The following MAN1A1 variants were observed in gnomAD, a reference collection of about 807,000 sequenced individuals.
MAN1A1 encodes mannosidase alpha class 1A member 1.
In MAN1A1, 29 loss-of-function variants were observed where a neutral mutation model predicts 70.8. The observed-to-expected ratio is 0.41, with a 90% CI of 0.31 to 0.56. The LOEUF is 0.56. MAN1A1 is among the 20% of genes least tolerant of loss of function. The pLI, the probability that MAN1A1 is intolerant of heterozygous loss-of-function variation, is 0.29. For synonymous variants in MAN1A1, 349 were observed against 330.1 expected (o/e 1.06, Z -0.62); for missense variants, 747 against 841.3 (o/e 0.89, Z 1.39).
chr6:119,322,065 G>T (rs1371816296), intron 2 of MAN1A1, among the ~76,000 whole-genome samples: 3 of 152,180 alleles, frequency 2.0e-5, no homozygotes, highest in African/African-American at 7.2e-5. Flanking sequence ...AAGAGATTCA[G>T]TTGGGCAGCA....
intron 2 of MAN1A1, chr6:119,331,808 C>A: frequency 3.7e-6 from 1 of 269,086 alleles, no homozygotes; most frequent in Non-Finnish European, 7.6e-6. Flanking sequence ...AGAGGAGTGA[C>A]TGCAACAGGA....
intron 2 of MAN1A1, among the ~76,000 whole-genome samples, chr6:119,316,939 A>T (rs1384445417): frequency 1.6e-4 from 24 of 147,420 alleles, no homozygotes; most frequent in African/African-American, 6.0e-4. Flanking sequence ...ACATTTTTTT[A>T]TTATTATTAT....
intron 2 of MAN1A1, among the ~76,000 whole-genome samples, chr6:119,307,470 G>A (rs1772564214): frequency 6.6e-6 from 1 of 152,118 alleles, no homozygotes; most frequent in Admixed American, 6.5e-5. Context: ...GTTTCCTGAC[G>A]AAGACTATAT....
intron 5 of MAN1A1, among the ~76,000 whole-genome samples, chr6:119,261,704 A>G (rs1371962478): frequency 6.6e-6 from 1 of 152,220 alleles, no homozygotes; most frequent in African/African-American, 2.4e-5. Context: ...ACTGTAAAGA[A>G]AGTTCATGGA....
intron 5 of MAN1A1, among the ~76,000 whole-genome samples, chr6:119,258,917 T>C (rs1775531859): frequency 6.6e-6 from 1 of 152,168 alleles, no homozygotes; most frequent in South Asian, 2.1e-4. Context: ...ACCTCCTTTC[T>C]GTGCCTCAGT....
At chr6:119,252,126 C>T (rs1197969447) in intron 5 of MAN1A1, among the ~76,000 whole-genome samples, 1 of 152,126 alleles carries the variant, frequency 6.6e-6, no homozygotes, top group East Asian at 1.9e-4. Context: ...GGCATGGAAG[C>T]AGCTGGCACT....
At chr6:119,207,609 T>C (rs1355882596) in intron 6 of MAN1A1, among the ~76,000 whole-genome samples, 3 of 152,218 alleles carry the variant, frequency 2.0e-5, no homozygotes, top group African/African-American at 7.2e-5. Flanking sequence ...CATGTAAGCT[T>C]TGGTCACTCA....
In MAN1A1 at chr6:119,189,820, C is replaced by G. The variant is rs764413156; in HGVS notation, c.1390G>C (p.Gly464Arg). ...CCCATCTTGTGCTCCAGGAGGCCCC[C>G]TTTCCACTCTGCGATATAAGTTAGT... ...SGLTYIAEWK[G>R]GLLEHKMGHL... Residue 464 changes from glycine to arginine, a missense_variant, in exon 10 of 13, where the codon GGG becomes CGG. By Grantham distance (125) the Gly-to-Arg change is moderately radical. Transcript: ENST00000368468. 1 of 1,614,132 alleles carries G rather than the reference C, an allele frequency of 6.2e-7. No homozygotes were observed. Among genetic ancestry groups the G allele is most frequent in the East Asian group, 2.2e-5 (1 of 44,872 alleles).
chr6:119,348,728 G>C lies in MAN1A1; in HGVS notation c.338C>G (p.Pro113Arg). 1 of 1,579,226 alleles carries C rather than the reference G, an allele frequency of 6.3e-7. No individual in the cohort carries two copies. The highest frequency in any genetic ancestry group is 8.6e-7 in the Non-Finnish European group (1 of 1,165,196). The change falls in exon 2 of 13, where the codon CCG becomes CGG. Residue 113 changes from proline to arginine, a missense_variant. Pro to Arg is a moderately radical substitution (Grantham distance 103). This residue lies in a region of MAN1A1 where 328 missense variants were observed against 293.1 expected (regional missense o/e 1.12). Transcript: ENST00000368468. ...RRREEGAPGD[P>R]EAALEDNLAR... Reference sequence around the variant, plus strand: ...CAAGTTGTCCTCCAGGGCGGCCTCCGGGTCCCCGGGTGCCCCCTCCTCGCG... The same window carrying C: ...CAAGTTGTCCTCCAGGGCGGCCTCCCGGTCCCCGGGTGCCCCCTCCTCGCG...
intron 2 of MAN1A1, among the ~76,000 whole-genome samples, chr6:119,318,048 CAA>C (rs933359134): frequency 6.6e-6 from 1 of 151,956 alleles, no homozygotes; most frequent in African/African-American, 2.4e-5. Context: ...CTGGGCATAA[CAA>C]TAATAAAAAT....
intron 6 of MAN1A1, among the ~76,000 whole-genome samples, chr6:119,238,549 A>C (rs1774918120): frequency 6.6e-6 from 1 of 152,172 alleles, no homozygotes; most frequent in African/African-American, 2.4e-5. Flanking sequence ...CATTATAGTA[A>C]TTGCACAGGG....
At chr6:119,214,155 G>A (rs755686031) in intron 6 of MAN1A1, among the ~76,000 whole-genome samples, 2 of 152,110 alleles carry the variant, frequency 1.3e-5, no homozygotes, top group South Asian at 2.1e-4. Flanking sequence ...TAGTAGAGAC[G>A]GGGTTTCAAC....
chr6:119,209,314 T>C (rs750098495), intron 6 of MAN1A1, among the ~76,000 whole-genome samples: 1 of 152,190 alleles, frequency 6.6e-6, no homozygotes, highest in Non-Finnish European at 1.5e-5. Flanking sequence ...CTGCTTGCTA[T>C]TTTATGCAAA....
chr6:119,189,538 G>T, intron 10 of MAN1A1, 126 bp downstream of exon 10: 1 of 805,466 alleles, frequency 1.2e-6, no homozygotes, highest in Non-Finnish European at 2.1e-6. Context: ...ATTCCTTTGA[G>T]ACATTAATCA....
intron 2 of MAN1A1, among the ~76,000 whole-genome samples, chr6:119,326,959 C>A (rs1049764624): frequency 1.3e-5 from 2 of 152,214 alleles, no homozygotes; most frequent in African/African-American, 4.8e-5. Context: ...ACACTGTACA[C>A]ATACATAGTA....
chr6:119,204,575 T>C (rs1361940478), intron 7 of MAN1A1, among the ~76,000 whole-genome samples, 184 bp downstream of exon 7: 1 of 152,206 alleles, frequency 6.6e-6, no homozygotes, highest in Non-Finnish European at 1.5e-5. Flanking sequence ...ACTAGAGTGG[T>C]GCACTGGAAA....
At chr6:119,191,396 T>C (rs1773438525) in intron 9 of MAN1A1, among the ~76,000 whole-genome samples, 1 of 151,840 alleles carries the variant, frequency 6.6e-6, no homozygotes, top group South Asian at 2.1e-4. Context: ...TCGGACCAAG[T>C]TGCTACCTCC....
chr6:119,304,151 A>G (rs1214942043), intron 3 of MAN1A1, among the ~76,000 whole-genome samples: 1 of 152,232 alleles, frequency 6.6e-6, no homozygotes, highest in African/African-American at 2.4e-5. Flanking sequence ...TCATTAGGAA[A>G]CTATAAATAA....
chr6:119,285,630 G>T (rs1776350888), intron 5 of MAN1A1, among the ~76,000 whole-genome samples: 1 of 147,052 alleles, frequency 6.8e-6, no homozygotes, highest in Admixed American at 6.8e-5. Flanking sequence ...TTCCAATTAG[G>T]CCTTTTGTTG....
Sources: gnomAD v4.1 joint callset for allele counts (sites outside exome capture counted in the v4.1 genomes callset) on GRCh38, gnomAD v4.1.1 for gene constraint, gnomAD v4.1.1 regional missense constraint, MANE v1.5 for transcripts, NCBI Gene and HGNC (gene_info 2026-07-23, HGNC 2026-07-21) for gene names.